ASTN2: variants seen among roughly 807,000 people sequenced by gnomAD.
ASTN2 encodes astrotactin 2.
Under a neutral mutation model 139.8 loss-of-function variants are expected in ASTN2, and 54 were observed. That is an observed-to-expected ratio of 0.39 (90% CI 0.31 to 0.48). The LOEUF is 0.48. ASTN2 is among the 20% of genes least tolerant of loss of function. The probability of loss-of-function intolerance (pLI) is 0.95; values close to 1 mark genes in which losing one functional copy is unlikely to be tolerated. For missense variants in ASTN2, 1,565 were observed against 1,725.1 expected (o/e 0.91, Z 1.64); for synonymous variants, 756 against 719.5 (o/e 1.05, Z -0.81).
intron 5 of ASTN2, among the ~76,000 whole-genome samples, chr9:117,073,216 C>G (rs1235217913): frequency 1.3e-5 from 2 of 152,166 alleles, no homozygotes; most frequent in African/African-American, 4.8e-5. Context: ...GTCCTGGCCT[C>G]TTAATGAGTC....
chr9:116,739,408 T>C (rs1829036019), intron 13 of ASTN2, among the ~76,000 whole-genome samples: 1 of 152,172 alleles, frequency 6.6e-6, no homozygotes, highest in Non-Finnish European at 1.5e-5. Flanking sequence ...TGACTGTCCT[T>C]AAGTTCCTTT....
chr9:116,751,877 G>T (rs1303295837), intron 13 of ASTN2, among the ~76,000 whole-genome samples: 1 of 152,032 alleles, frequency 6.6e-6, no homozygotes, highest in Admixed American at 6.6e-5. Flanking sequence ...TAAATAAAAG[G>T]AGATTCCCTG....
At chr9:117,116,053 T>C (rs1829381353) in intron 4 of ASTN2, among the ~76,000 whole-genome samples, 1 of 150,334 alleles carries the variant, frequency 6.7e-6, no homozygotes, top group African/African-American at 2.5e-5. Context: ...TATATATATA[T>C]TGCTCCCATC....
intron 13 of ASTN2, among the ~76,000 whole-genome samples, chr9:116,755,762 A>C (rs1159466823): frequency 6.6e-6 from 1 of 152,224 alleles, no homozygotes; most frequent in African/African-American, 2.4e-5. Context: ...TATCTGGATT[A>C]TCTGGGTTGG....
chr9:116,964,352 G>T (rs114283267), intron 10 of ASTN2, among the ~76,000 whole-genome samples: 2 of 152,104 alleles, frequency 1.3e-5, no homozygotes, highest in South Asian at 4.2e-4. Flanking sequence ...CAGCTGCAAC[G>T]AGTGGGCCTT....
In ASTN2 at chr9:116,445,971, T is replaced by C. The variant is rs527442349; in HGVS notation, c.3498-3418A>G. On this transcript the variant is annotated intron_variant, in intron 20 of 22. Coordinates refer to ENST00000313400, the MANE Select transcript of ASTN2 (RefSeq NM_001365068.1). Reference sequence around the variant, plus strand: ...GGTCAAAAGTCACAAGGCCATGCGCTTTCTGCCTGTCTCAGCTGTAATTGT... The same window carrying C: ...GGTCAAAAGTCACAAGGCCATGCGCCTTCTGCCTGTCTCAGCTGTAATTGT... Among the ~76,000 whole-genome samples the C allele has an allele frequency of 2.6e-5, 4 of 152,240 alleles. No homozygotes were observed. The South Asian group carries it at 8.3e-4, about 32-fold the overall frequency.
At chr9:116,929,986 TG>T (rs1834854478) in intron 10 of ASTN2, among the ~76,000 whole-genome samples, 1 of 152,176 alleles carries the variant, frequency 6.6e-6, no homozygotes, top group Admixed American at 6.5e-5. Flanking sequence ...CTGATACTAA[TG>T]GAGGCTGATG....
intron 11 of ASTN2, among the ~76,000 whole-genome samples, chr9:116,826,308 G>A (rs956433385): frequency 6.6e-6 from 1 of 152,168 alleles, no homozygotes; most frequent in African/African-American, 2.4e-5. Context: ...TGCCAATGTG[G>A]CTCACCTGAG....
chr9:116,986,669 A>T (rs1210209189), intron 7 of ASTN2, among the ~76,000 whole-genome samples: 1 of 152,208 alleles, frequency 6.6e-6, no homozygotes, highest in African/African-American at 2.4e-5. Context: ...GGGCTCTATT[A>T]CTAACCCCAT....
At chr9:117,109,359 A>T (rs1050332069) in intron 4 of ASTN2, among the ~76,000 whole-genome samples, 1 of 129,896 alleles carries the variant, frequency 7.7e-6, no homozygotes, top group Admixed American at 7.3e-5. Context: ...AATAAATAAA[A>T]ATAAATAAAT....
At chr9:116,805,590 T>C in intron 13 of ASTN2, 42 bp downstream of exon 13, 1 of 1,587,882 alleles carries the variant, frequency 6.3e-7, no homozygotes, top group South Asian at 1.1e-5. Flanking sequence ...AGGTTGTTTG[T>C]CAGTGACTCA....
At chr9:117,193,062 T>C (rs1404084154) in intron 3 of ASTN2, among the ~76,000 whole-genome samples, 1 of 152,170 alleles carries the variant, frequency 6.6e-6, no homozygotes, top group African/African-American at 2.4e-5. Context: ...CAGTGGGTGA[T>C]GGTAAACATT....
chr9:117,239,590 C>T (rs543655515), intron 2 of ASTN2, among the ~76,000 whole-genome samples: 1 of 152,330 alleles, frequency 6.6e-6, no homozygotes, highest in African/African-American at 2.4e-5. Context: ...GATAACCCCC[C>T]TCCATCCCAT....
intron 1 of ASTN2, among the ~76,000 whole-genome samples, chr9:117,388,987 C>T (rs746681610): frequency 2.0e-5 from 3 of 152,150 alleles, no homozygotes; most frequent in Non-Finnish European, 4.4e-5. Flanking sequence ...TCAAGCCAAA[C>T]AGAAACAAGA....
intron 11 of ASTN2, among the ~76,000 whole-genome samples, chr9:116,850,077 G>A (rs966856187): frequency 2.0e-5 from 3 of 152,180 alleles, no homozygotes; most frequent in African/African-American, 7.2e-5. Flanking sequence ...AGGTTCCCAA[G>A]TCCAGTGTTC....
intron 4 of ASTN2, among the ~76,000 whole-genome samples, chr9:117,102,529 T>A (rs1829004325): frequency 6.6e-6 from 1 of 152,096 alleles, no homozygotes; most frequent in African/African-American, 2.4e-5. Flanking sequence ...TGATTTATTA[T>A]TATTATTATT....
chr9:117,060,722 T>C lies in ASTN2; in HGVS notation c.1277-20757A>G, dbSNP rs1245414368. 3.3e-5 allele frequency among the ~76,000 whole-genome samples: 5 copies of C among 151,558 alleles called. No individual in the cohort carries two copies. The East Asian group carries it at 9.9e-4, about 30-fold the overall frequency. On this transcript the variant is annotated intron_variant, in intron 5 of 22. Transcript: ENST00000313400. ...TCCTGGCTAACATGGTGAAACCCCG[T>C]CTCCACTAAAAATACAAAAAAAATT...
At chr9:117,258,467 GAC>G (rs1446505307) in intron 2 of ASTN2, among the ~76,000 whole-genome samples, 1 of 152,156 alleles carries the variant, frequency 6.6e-6, no homozygotes, top group Non-Finnish European at 1.5e-5. Flanking sequence ...TTGTCTGTGT[GAC>G]AGTTTGCAGC....
At chr9:117,376,912 C>T (rs1281871147) in intron 1 of ASTN2, among the ~76,000 whole-genome samples, 2 of 152,040 alleles carry the variant, frequency 1.3e-5, no homozygotes, top group Non-Finnish European at 2.9e-5. Flanking sequence ...GAAGACAGAC[C>T]GCTAGCTGTG....
Sources: gnomAD v4.1 joint callset for allele counts (sites outside exome capture counted in the v4.1 genomes callset) on GRCh38, gnomAD v4.1.1 for gene constraint, MANE v1.5 for transcripts, NCBI Gene and HGNC (gene_info 2026-07-23, HGNC 2026-07-21) for gene names.